BCAT1: variants seen among roughly 807,000 people sequenced by gnomAD.
BCAT1 encodes the protein branched-chain-amino-acid aminotransferase, cytosolic.
In BCAT1, 48 loss-of-function variants were observed where a neutral mutation model predicts 52.4. The ratio of observed to expected loss-of-function variants is 0.92; its 90% confidence interval spans 0.73 to 1.16. The LOEUF is 1.16. BCAT1 is among the 50% of genes most tolerant of loss of function. The pLI, the probability that BCAT1 is intolerant of heterozygous loss-of-function variation, is 0.00. For missense variants in BCAT1, 451 were observed against 457.1 expected, an observed-to-expected ratio of 0.99 and a Z score of 0.12; for synonymous variants, 167 against 161.3, an observed-to-expected ratio of 1.04 and a Z score of -0.27.
At position 24,810,074 on chromosome 12, in the gene BCAT1, C is replaced by T. The variant is rs1169214862; in HGVS notation, c.*7934G>A. ...TCAGCTCACGAACTTTTCAGAATCC[C>T]TAGTGGCTTAGTGACAAAGACCTTT... is the stretch of plus-strand genomic sequence containing the variant. On this transcript the variant is annotated 3_prime_UTR_variant, in exon 11 of 11. Transcript: ENST00000261192. 1 of 152,172 alleles carries T rather than the reference C, an allele frequency of 6.6e-6. No homozygotes were observed. The highest frequency in any genetic ancestry group is 2.4e-5 in the African/African-American group (1 of 41,434). 9.4% of individuals were successfully genotyped at this position (152,172 alleles called of 1,614,324 possible). A position where few individuals can be genotyped will look rare whatever the true frequency, so the allele number is the denominator to read the frequency against.
chr12:24,909,015 T>C (rs1943271483), intron 1 of BCAT1, among the ~76,000 whole-genome samples: 1 of 152,210 alleles, frequency 6.6e-6, no homozygotes, highest in South Asian at 2.1e-4. Flanking sequence ...GCTCAGTACA[T>C]GTTAGCTAGT....
At chr12:24,840,906 A>G (rs764715937) in intron 7 of BCAT1, among the ~76,000 whole-genome samples, 2 of 152,226 alleles carry the variant, frequency 1.3e-5, no homozygotes, top group Non-Finnish European at 2.9e-5. Context: ...GAAATGAACA[A>G]CCTAAGAATG....
At chr12:24,926,821 G>C (rs915219274) in intron 1 of BCAT1, among the ~76,000 whole-genome samples, 2 of 151,810 alleles carry the variant, frequency 1.3e-5, no homozygotes, top group Non-Finnish European at 2.9e-5. Flanking sequence ...CAAACACTGC[G>C]GAAGGCCGCA....
At chr12:24,905,450 T>C (rs1268747474) in intron 1 of BCAT1, among the ~76,000 whole-genome samples, 1 of 152,202 alleles carries the variant, frequency 6.6e-6, no homozygotes, top group African/African-American at 2.4e-5. Flanking sequence ...CTGCATGCAA[T>C]AATTATTTTG....
chr12:24,901,295 T>TA lies in BCAT1; in HGVS notation c.78+518dup, dbSNP rs200895912. Among the ~76,000 whole-genome samples, 1,099 of 152,338 alleles carry TA rather than the reference T, an allele frequency of 7.2e-3. 10 individuals carry two copies. Among genetic ancestry groups the TA allele is most frequent in the African/African-American group, 0.026 (1,061 of 41,578 alleles). On this transcript the variant is annotated intron_variant, in intron 2 of 10. Coordinates refer to ENST00000261192, the MANE Select transcript of BCAT1 (RefSeq NM_005504.7). ...CTCCACGAGGAGGGAGGGTAGGAGATAGACTTATAGAAAAAATAATATTAC... is the reference window on the plus strand; with the variant it reads ...CTCCACGAGGAGGGAGGGTAGGAGATAAGACTTATAGAAAAAATAATATTAC...
At chr12:24,902,536 C>A in intron 1 of BCAT1, 1 of 522,898 alleles carries the variant, frequency 1.9e-6, no homozygotes, top group Non-Finnish European at 2.7e-6. Context: ...GGAAGAGATC[C>A]AAGGAGGCAG....
intron 1 of BCAT1, among the ~76,000 whole-genome samples, chr12:24,923,535 T>C (rs1943532456): frequency 6.6e-6 from 1 of 152,110 alleles, no homozygotes; most frequent in African/African-American, 2.4e-5. Flanking sequence ...ACCTCCTGAG[T>C]AGCTGGGACT....
chr12:24,834,769 A>C (rs1384272163), intron 8 of BCAT1: 6 of 1,157,990 alleles, frequency 5.2e-6, no homozygotes, highest in Non-Finnish European at 6.5e-6. Flanking sequence ...ACTGCAGAAA[A>C]TCAGGCAAAT....
intron 1 of BCAT1, among the ~76,000 whole-genome samples, chr12:24,935,296 C>T (rs1943735722): frequency 1.3e-5 from 2 of 152,182 alleles, no homozygotes; most frequent in African/African-American, 4.8e-5. Context: ...GACATGAAGC[C>T]AAGGCATTCT....
At chr12:24,889,609 G>A (rs1387112233) in intron 3 of BCAT1, among the ~76,000 whole-genome samples, 1 of 152,168 alleles carries the variant, frequency 6.6e-6, no homozygotes. Flanking sequence ...ACAGTCTTTT[G>A]TTATAATGCT....
intron 1 of BCAT1, among the ~76,000 whole-genome samples, chr12:24,909,553 C>T (rs1246257954): frequency 6.6e-6 from 1 of 152,174 alleles, no homozygotes; most frequent in Admixed American, 6.5e-5. Flanking sequence ...TGTGGACAGG[C>T]CCAGCTTCCT....
chr12:24,942,153 C>A (rs150484146), intron 1 of BCAT1, among the ~76,000 whole-genome samples: 315 of 152,228 alleles, frequency 2.1e-3, no homozygotes, highest in African/African-American at 7.2e-3. Context: ...AGAGCATAAA[C>A]CAGTATGCAG....
intron 10 of BCAT1, among the ~76,000 whole-genome samples, chr12:24,825,979 A>G (rs971495413): frequency 2.0e-5 from 3 of 152,182 alleles, no homozygotes; most frequent in Non-Finnish European, 2.9e-5. Context: ...TGGGAGGCTG[A>G]GACAGGAGGA....
chr12:24,828,546 A>T (rs539868185), intron 10 of BCAT1, among the ~76,000 whole-genome samples: 97 of 152,316 alleles, frequency 6.4e-4, no homozygotes, highest in African/African-American at 9.6e-4. Flanking sequence ...ATAATTTTTT[A>T]AAAAAATTAT....
At chr12:24,895,844 C>A (rs1157232128) in intron 2 of BCAT1, among the ~76,000 whole-genome samples, 1 of 152,066 alleles carries the variant, frequency 6.6e-6, no homozygotes, top group African/African-American at 2.4e-5. Flanking sequence ...GAATAATATT[C>A]AGGCTGAAAA....
chr12:24,930,679 G>T (rs923056596), intron 1 of BCAT1, among the ~76,000 whole-genome samples: 9 of 152,122 alleles, frequency 5.9e-5, no homozygotes, highest in African/African-American at 1.9e-4. Context: ...AGCTCTCCTT[G>T]CTTGGCTGAC....
chr12:24,841,816 G>A (rs1314688293), intron 7 of BCAT1, among the ~76,000 whole-genome samples: 1 of 152,154 alleles, frequency 6.6e-6, no homozygotes, highest in Non-Finnish European at 1.5e-5. Flanking sequence ...GGCTGAGGCA[G>A]GAGAATTGCT....
intron 5 of BCAT1, among the ~76,000 whole-genome samples, chr12:24,871,669 T>A (rs931803619): frequency 1.3e-5 from 2 of 152,108 alleles, no homozygotes; most frequent in African/African-American, 4.8e-5. Context: ...ATGATGGAAG[T>A]ACCATGAATC....
At chr12:24,872,447 A>G (rs2139566219) in intron 5 of BCAT1, among the ~76,000 whole-genome samples, 1 of 152,330 alleles carries the variant, frequency 6.6e-6, no homozygotes, top group Admixed American at 6.5e-5. Context: ...AAATGGGGAA[A>G]CTGCTTATGA....
Sources: gnomAD v4.1 joint callset for allele counts (sites outside exome capture counted in the v4.1 genomes callset) on GRCh38, gnomAD v4.1.1 for gene constraint, MANE v1.5 for transcripts, NCBI Gene and HGNC (gene_info 2026-07-23, HGNC 2026-07-21) for gene names.